PLCB1: variants seen among roughly 807,000 people sequenced by gnomAD.
The protein encoded by PLCB1 is 1-phosphatidylinositol 4,5-bisphosphate phosphodiesterase beta-1.
Under a neutral mutation model 161.8 loss-of-function variants are expected in PLCB1, and 46 were observed. The ratio of observed to expected loss-of-function variants is 0.28; its 90% confidence interval spans 0.22 to 0.36. The LOEUF is 0.36. PLCB1 is among the 10% of genes least tolerant of loss of function. The probability of loss-of-function intolerance (pLI) is 1.00; values close to 1 mark genes in which losing one functional copy is unlikely to be tolerated. For synonymous variants in PLCB1, 517 were observed against 503.7 expected, an observed-to-expected ratio of 1.03 and a Z score of -0.35; for missense variants, 1,016 against 1,472.5, an observed-to-expected ratio of 0.69 and a Z score of 5.07.
chr20:8,394,035 C>T (rs1600370878), intron 3 of PLCB1, among the ~76,000 whole-genome samples: 2 of 151,924 alleles, frequency 1.3e-5, no homozygotes, highest in African/African-American at 4.8e-5. Context: ...TTCTTCCCAC[C>T]TAATTAATTT....
At chr20:8,831,843 A>T (rs533458799) in intron 31 of PLCB1, among the ~76,000 whole-genome samples, 1 of 152,110 alleles carries the variant, frequency 6.6e-6, no homozygotes, top group Non-Finnish European at 1.5e-5. Flanking sequence ...TTTCACAGAT[A>T]TTTCCCCATT....
intron 3 of PLCB1, among the ~76,000 whole-genome samples, chr20:8,420,996 G>A (rs1223090945): frequency 6.6e-6 from 1 of 152,162 alleles, no homozygotes; most frequent in African/African-American, 2.4e-5. Context: ...AAGCCCAGCT[G>A]TCCAACAAAG....
chr20:8,859,640 A>G (rs1600099693), intron 31 of PLCB1, among the ~76,000 whole-genome samples: 1 of 151,786 alleles, frequency 6.6e-6, no homozygotes, highest in Non-Finnish European at 1.5e-5. Flanking sequence ...ATCTTTCTGG[A>G]TGTTTTAAGG....
rs550390694 is a variant in PLCB1, at chr20:8,328,533, C to A, written c.178-42849C>A. Among the ~76,000 whole-genome samples the A allele has an allele frequency of 2.0e-5, 3 of 151,564 alleles. No individual in the cohort carries two copies. The South Asian group carries it at 6.2e-4, about 31-fold the overall frequency. ...TTCCATTTTAATTTTAGTTATCCTGCATCATTTCTGTAGGTGTGTTTTATT... is the reference window on the plus strand; with the variant it reads ...TTCCATTTTAATTTTAGTTATCCTGAATCATTTCTGTAGGTGTGTTTTATT... On this transcript the variant is annotated intron_variant, in intron 2 of 31. Coordinates refer to ENST00000338037, the MANE Select transcript of PLCB1 (RefSeq NM_015192.4).
intron 2 of PLCB1, among the ~76,000 whole-genome samples, chr20:8,301,646 TCTACCGTCTGGAATACC>T (rs1462776764): frequency 6.6e-6 from 1 of 152,162 alleles, no homozygotes; most frequent in African/African-American, 2.4e-5. Flanking sequence ...TCATGCTGTT[TCTACCGTCTGGAATACC>T]CTCCCCCACC....
chr20:8,212,278 T>A (rs2123146212), intron 2 of PLCB1, among the ~76,000 whole-genome samples: 1 of 152,278 alleles, frequency 6.6e-6, no homozygotes, highest in South Asian at 2.1e-4. Flanking sequence ...TCAGCATAAA[T>A]ACATGAGAAC....
At chr20:8,518,257 G>A (rs1984216263) in intron 3 of PLCB1, among the ~76,000 whole-genome samples, 1 of 152,132 alleles carries the variant, frequency 6.6e-6, no homozygotes, top group Non-Finnish European at 1.5e-5. Flanking sequence ...GAGTGCAGTA[G>A]CAATATCATA....
At chr20:8,879,540 T>G (rs80060528) in intron 31 of PLCB1, among the ~76,000 whole-genome samples, 4,868 of 152,200 alleles carry the variant, frequency 0.032, 263 homozygotes, top group African/African-American at 0.11. Context: ...ACATATTTCA[T>G]GTATCAGTAT....
rs542550955 is a variant in PLCB1 at position 8,523,459 on chromosome 20, T to C, written c.247-104835T>C. Among the ~76,000 whole-genome samples, 4 of 122,414 alleles carry C rather than the reference T, an allele frequency of 3.3e-5. No homozygotes were observed. The South Asian group carries it at 1.1e-3, about 34-fold the overall frequency. 80.3% of individuals were successfully genotyped at this position (122,414 alleles called of 152,430 possible). A position where few individuals can be genotyped will look rare whatever the true frequency, so the allele number is the denominator to read the frequency against. ...AGAGAGACGACAACAAATATATATA[T>C]ATTTGGCTCTCTCTCTCTCTCTCTC... On this transcript the variant is annotated intron_variant, in intron 3 of 31. Coordinates refer to ENST00000338037, the MANE Select transcript of PLCB1 (RefSeq NM_015192.4).
chr20:8,428,229 T>A (rs968521866), intron 3 of PLCB1, among the ~76,000 whole-genome samples: 4 of 152,074 alleles, frequency 2.6e-5, no homozygotes, highest in South Asian at 4.1e-4. Flanking sequence ...TTTTCATTTT[T>A]TTTTTTTCTG....
chr20:8,788,383 G>C, intron 27 of PLCB1, 66 bp from the exon 28 acceptor site: 1 of 1,409,112 alleles, frequency 7.1e-7, no homozygotes, highest in Admixed American at 1.9e-5. Flanking sequence ...TGTTGTTTGA[G>C]GGAGGTGGGA....
chr20:8,640,969 A>T (rs1432276407), intron 4 of PLCB1, among the ~76,000 whole-genome samples: 2 of 152,222 alleles, frequency 1.3e-5, no homozygotes, highest in Non-Finnish European at 2.9e-5. Context: ...ACTGGGACAT[A>T]CTAGAACTGG....
At chr20:8,208,525 G>GT (rs996742619) in intron 2 of PLCB1, among the ~76,000 whole-genome samples, 16 of 150,502 alleles carry the variant, frequency 1.1e-4, no homozygotes, top group South Asian at 8.4e-4. Context: ...TATGGAGTAG[G>GT]TTTTTTTTTC....
At chr20:8,537,125 G>A (rs1985084272) in intron 3 of PLCB1, among the ~76,000 whole-genome samples, 1 of 152,156 alleles carries the variant, frequency 6.6e-6, no homozygotes, top group South Asian at 2.1e-4. Flanking sequence ...GGGGCATAAG[G>A]CAGAAGACGA....
chr20:8,866,715 C>T (rs998079248), intron 31 of PLCB1, among the ~76,000 whole-genome samples: 1 of 152,146 alleles, frequency 6.6e-6, no homozygotes, highest in Non-Finnish European at 1.5e-5. Context: ...TCTGGCCCTG[C>T]CTCAGTTTGC....
At chr20:8,459,815 A>G (rs979195734) in intron 3 of PLCB1, among the ~76,000 whole-genome samples, 5 of 152,222 alleles carry the variant, frequency 3.3e-5, no homozygotes, top group Admixed American at 3.3e-4. Context: ...CGGAGTTTCT[A>G]GAAATTGCCT....
intron 3 of PLCB1, among the ~76,000 whole-genome samples, chr20:8,458,072 A>G (rs1412631251): frequency 6.6e-6 from 1 of 152,164 alleles, no homozygotes; most frequent in African/African-American, 2.4e-5. Flanking sequence ...TGGCATGAGG[A>G]AGCTGGAGTT....
rs144393485 is a variant in PLCB1 at position 8,182,622 on chromosome 20, C to T, written c.177+32251C>T. 6.1e-3 allele frequency among the ~76,000 whole-genome samples: 919 copies of T among 150,476 alleles called. 4 individuals carry two copies. Among genetic ancestry groups the T allele is most frequent in the Non-Finnish European group, 9.6e-3 (651 of 67,774 alleles). On this transcript the variant is annotated intron_variant, in intron 2 of 31. Coordinates refer to ENST00000338037, the MANE Select transcript of PLCB1 (RefSeq NM_015192.4). ...TTGAGACTGAGTCTTACTCTATTGC[C>T]CAGACTGGAGTACGGTGGCACGATC... is the stretch of plus-strand genomic sequence containing the variant.
intron 27 of PLCB1, among the ~76,000 whole-genome samples, chr20:8,786,494 C>T (rs775563663): frequency 8.5e-5 from 13 of 152,058 alleles, no homozygotes; most frequent in Admixed American, 7.2e-4. Flanking sequence ...ATGTGGATTC[C>T]GTATCGTAAT....
Sources: allele counts gnomAD v4.1 joint callset (sites outside exome capture counted in the v4.1 genomes callset), GRCh38; gene constraint gnomAD v4.1.1; transcripts MANE v1.5; gene names NCBI Gene and HGNC (gene_info 2026-07-23, HGNC 2026-07-21).